ACSS1: variants seen among roughly 807,000 people sequenced by gnomAD.
ACSS1 encodes acetyl-coenzyme A synthetase 2-like, mitochondrial.
A neutral mutation model predicts 75.3 loss-of-function variants in ACSS1; 42 were observed. The observed-to-expected ratio is 0.56, with a 90% confidence interval of 0.44 to 0.72. The LOEUF is 0.72. Ranked by LOEUF, ACSS1 falls within the 30% of genes least tolerant of loss-of-function variation. The probability of loss-of-function intolerance (pLI) is 0.00; values close to 1 mark genes in which losing one functional copy is unlikely to be tolerated. For synonymous variants in ACSS1, 380 were observed against 376.8 expected, an observed-to-expected ratio of 1.01 and a Z score of -0.10; for missense variants, 782 against 935.7, an observed-to-expected ratio of 0.84 and a Z score of 2.14.
In ACSS1 at chr20:25,050,633, A is replaced by G. The variant is rs150663627; in HGVS notation, c.335-2452T>C. Reference sequence around the variant, plus strand: ...TGACCTGCCCAAGGCCCCAGCCAAGATGAAGCAGGAAGGGCTCGAACCACG... The same window carrying G: ...TGACCTGCCCAAGGCCCCAGCCAAGGTGAAGCAGGAAGGGCTCGAACCACG... On this transcript the variant is annotated intron_variant, in intron 1 of 13. Transcript: ENST00000323482. Among the ~76,000 whole-genome samples the G allele has an allele frequency of 2.2e-3, 330 of 152,110 alleles. 1 individual carries two copies. Among genetic ancestry groups the G allele is most frequent in the African/African-American group, 7.2e-3 (298 of 41,510 alleles).
Position 25,057,781 on chromosome 20 carries a change from A to T in ACSS1, c.322T>A (p.Leu108Ile). 1 of 1,582,130 alleles carries T rather than the reference A, an allele frequency of 6.3e-7. No homozygotes were observed. Among genetic ancestry groups the T allele is most frequent in the Non-Finnish European group, 8.6e-7 (1 of 1,157,460 alleles). ...GKIGWFLGGQLNVSVNCLDQH... is the reference protein window; with the variant it reads ...GKIGWFLGGQINVSVNCLDQH... ...GAAGCCCACTCACCAGAGACATTTAACTGGCCTCCCAGGAACCAGCCGATC... is the reference window on the plus strand; with the variant it reads ...GAAGCCCACTCACCAGAGACATTTATCTGGCCTCCCAGGAACCAGCCGATC... Residue 108 changes from leucine (L) to isoleucine (I), a missense_variant, in exon 1 of 14, where the codon TTA (leucine) becomes ATA (isoleucine). By Grantham distance (5) the Leu-to-Ile change is conservative (BLOSUM62 2). This residue lies in a region of ACSS1 where 377 missense variants were observed against 383.1 expected (regional missense o/e 0.98). Transcript: ENST00000323482.
At chr20:25,023,314 T>G (rs1271195859) in intron 4 of ACSS1, 152 bp downstream of exon 4, 1 of 1,061,164 alleles carries the variant, frequency 9.4e-7, no homozygotes, top group African/African-American at 1.6e-5. Context: ...AGGAGTTTTA[T>G]CTTCCCAGTC....
chr20:25,015,240 C>A lies in ACSS1; in HGVS notation c.1247-10G>T, dbSNP rs1319057603. On this transcript the variant is annotated splice_polypyrimidine_tract_variant and intron_variant, in intron 7 of 13. Transcript: ENST00000323482. ...TTGATGGGCTCTCCCACTGAAACCA[C>A]ACAGAAAGAAAAAGATGTTAACAGG... The A allele has an allele frequency of 1.3e-6, 2 of 1,594,848 alleles. No individual in the cohort carries two copies. The highest frequency in any genetic ancestry group is 1.1e-5 in the South Asian group (1 of 89,174).
At chr20:25,009,445 C>A in intron 12 of ACSS1, 57 bp from the exon 13 acceptor site, 4 of 1,428,918 alleles carry the variant, frequency 2.8e-6, no homozygotes, top group Non-Finnish European at 3.9e-6. Context: ...AGCCAACTCC[C>A]GAGGCAGGGT....
intron 10 of ACSS1, 78 bp from the exon 11 acceptor site, chr20:25,013,017 C>G: frequency 6.2e-7 from 1 of 1,600,760 alleles, no homozygotes; most frequent in Non-Finnish European, 8.5e-7. Context: ...GCGTGAAGCT[C>G]TGCAGCCCAG....
At chr20:25,038,731 C>A (rs2088955601) in intron 2 of ACSS1, among the ~76,000 whole-genome samples, 1 of 152,130 alleles carries the variant, frequency 6.6e-6, no homozygotes, top group African/African-American at 2.4e-5. Context: ...GGATGCAGAG[C>A]CTCCTACAGT....
intron 2 of ACSS1, among the ~76,000 whole-genome samples, chr20:25,038,830 T>G (rs1052657798): frequency 6.6e-6 from 1 of 152,252 alleles, no homozygotes; most frequent in East Asian, 1.9e-4. Context: ...CCACCCCACA[T>G]GCTCTGCACA....
chr20:25,006,477 A>G lies in ACSS1; in HGVS notation c.*1285T>C. ...ACCACCTCCTGGGCTTCACAGGTTC[A>G]CTCACCCAAGAGGCCAGCACAACCA... On this transcript the variant is annotated 3_prime_UTR_variant, in exon 14 of 14. Coordinates refer to ENST00000323482, the MANE Select transcript of ACSS1 (RefSeq NM_032501.4). 4.6e-6 allele frequency: 1 copy of G among 215,632 alleles called. No individual in the cohort carries two copies. Among genetic ancestry groups the G allele is most frequent in the Non-Finnish European group, 9.4e-6 (1 of 106,418 alleles). The allele number at this position is 215,632 out of a possible 1,614,324, so 13.4% of individuals were successfully genotyped here.
At chr20:25,057,586 A>C (rs544672983) in intron 1 of ACSS1, among the ~76,000 whole-genome samples, 183 bp downstream of exon 1, 41 of 152,170 alleles carry the variant, frequency 2.7e-4, no homozygotes, top group African/African-American at 7.7e-4. Flanking sequence ...GCCCGATGGG[A>C]TGAGGGACGG....
At chr20:25,045,001 C>T (rs1236178346) in intron 2 of ACSS1, among the ~76,000 whole-genome samples, 1 of 152,242 alleles carries the variant, frequency 6.6e-6, no homozygotes, top group Non-Finnish European at 1.5e-5. Context: ...CTCTCCAAGC[C>T]CTGCAGCCAG....
chr20:25,048,992 G>A (rs571698624), intron 1 of ACSS1, among the ~76,000 whole-genome samples: 25 of 152,244 alleles, frequency 1.6e-4, no homozygotes, highest in African/African-American at 5.3e-4. Context: ...AGGTATGCAG[G>A]GACATGAGCC....
chr20:25,008,712 G>A (rs1329198502), intron 13 of ACSS1, among the ~76,000 whole-genome samples: 4 of 152,168 alleles, frequency 2.6e-5, no homozygotes, highest in Non-Finnish European at 5.9e-5. Flanking sequence ...CTCCTTCACT[G>A]CCACCAGGAA....
chr20:25,039,913 C>T (rs1374201094), intron 2 of ACSS1, among the ~76,000 whole-genome samples: 2 of 152,210 alleles, frequency 1.3e-5, no homozygotes, highest in Non-Finnish European at 2.9e-5. Context: ...GGTGTCAATG[C>T]CTGAAGAACT....
intron 3 of ACSS1, 147 bp from the exon 4 acceptor site, chr20:25,023,788 T>C: frequency 1.3e-6 from 1 of 763,554 alleles, no homozygotes; most frequent in African/African-American, 1.8e-5. Context: ...AGTGAGGGGC[T>C]GCCTGCTCTC....
At chr20:25,029,275 G>T (rs1171102472) in intron 3 of ACSS1, among the ~76,000 whole-genome samples, 2 of 152,140 alleles carry the variant, frequency 1.3e-5, no homozygotes, top group Admixed American at 1.3e-4. Context: ...GTACATAAAA[G>T]ATGTTCAATA....
intron 2 of ACSS1, 119 bp downstream of exon 2, chr20:25,047,966 C>T: frequency 3.7e-6 from 3 of 805,428 alleles, no homozygotes; most frequent in Non-Finnish European, 5.8e-6. Flanking sequence ...TAAGAGAGCA[C>T]TTGCAAAGCC....
At chr20:25,037,028 G>A (rs936743774) in intron 2 of ACSS1, among the ~76,000 whole-genome samples, 4 of 149,296 alleles carry the variant, frequency 2.7e-5, no homozygotes, top group African/African-American at 7.4e-5. Flanking sequence ...AAGGAAGGAA[G>A]GAAAGAAAGA....
rs115887960 is a variant in ACSS1, at chr20:25,029,306, G to T, written c.631+1453C>A. The stretch of plus-strand genomic sequence containing the variant: ...CAATATTATTAGTCATTAGGGAAAT[G>T]CAAATCAAAACCACAATGAGATACA... On this transcript the variant is annotated intron_variant, in intron 3 of 13. Coordinates refer to ENST00000323482, the MANE Select transcript of ACSS1 (RefSeq NM_032501.4). Among the ~76,000 whole-genome samples, 754 of 152,282 alleles carry T rather than the reference G, an allele frequency of 5.0e-3. 8 individuals are homozygous for T. The highest frequency in any genetic ancestry group is 0.017 in the African/African-American group (718 of 41,572).
At chr20:25,027,976 C>T (rs954512026) in intron 3 of ACSS1, among the ~76,000 whole-genome samples, 1 of 151,852 alleles carries the variant, frequency 6.6e-6, no homozygotes, top group Non-Finnish European at 1.5e-5. Flanking sequence ...TACATATTAG[C>T]AATGAACAAT....
Sources: gnomAD v4.1 joint callset for allele counts (sites outside exome capture counted in the v4.1 genomes callset) on GRCh38, gnomAD v4.1.1 for gene constraint, gnomAD v4.1.1 regional missense constraint, MANE v1.5 for transcripts, NCBI Gene and HGNC (gene_info 2026-07-23, HGNC 2026-07-21) for gene names.